C19orf84: variants seen among roughly 807,000 people sequenced by gnomAD.
The protein encoded by C19orf84 is piRNA-mediated silencing protein C19orf84.
Under a neutral mutation model 4.0 loss-of-function variants are expected in C19orf84, and 1 was observed. The observed-to-expected ratio is 0.25, with a 90% CI of 0.09 to 1.19. The LOEUF is 1.19. Among genes scored for constraint, C19orf84 ranks in the 50% most tolerant of loss-of-function variants. The probability of loss-of-function intolerance (pLI) is 0.50; values close to 1 mark genes in which losing one functional copy is unlikely to be tolerated. For missense variants in C19orf84, 224 were observed against 246.8 expected (o/e 0.91, Z 0.62); for synonymous variants, 123 against 109.6 (o/e 1.12, Z -0.76).
In C19orf84 at chr19:51,388,630, G is replaced by T; in HGVS notation, c.*354C>A. The T allele has an allele frequency of 3.4e-6, 1 of 295,144 alleles. No individual in the cohort carries two copies. The highest frequency in any genetic ancestry group is 4.4e-5 in the South Asian group (1 of 22,484). The allele number at this position is 295,144 out of a possible 1,614,324, so 18.3% of individuals were successfully genotyped here. On this transcript the variant is annotated 3_prime_UTR_variant, in exon 2 of 2. Transcript: ENST00000574814. ...GAGTGGGGAAGAGAGAGGCAGGTAGGAGTGGCTTTGGGATTAGGGAGAGGA... is the reference window on the plus strand; with the variant it reads ...GAGTGGGGAAGAGAGAGGCAGGTAGTAGTGGCTTTGGGATTAGGGAGAGGA...
At chr19:51,390,012 C>G (rs1160819399) in intron 1 of C19orf84, among the ~76,000 whole-genome samples, 2 of 151,086 alleles carry the variant, frequency 1.3e-5, no homozygotes, top group African/African-American at 4.9e-5. Context: ...GGGTTTCACT[C>G]TTGTTGCCCA....
Position 51,389,242 on chromosome 19 carries a change from C to T in C19orf84, c.303G>A (p.Arg101=). 6.5e-7 allele frequency: 1 copy of T among 1,535,136 alleles called. No individual in the cohort carries two copies. The highest frequency in any genetic ancestry group is 8.7e-7 in the Non-Finnish European group (1 of 1,146,354). The change falls in exon 2 of 2, where the codon AGG becomes AGA. Residue 101 remains arginine (R), a synonymous_variant. Transcript: ENST00000574814. This position sits in a 1 kb window ranked among gnomAD's most constrained non-coding sequence, Gnocchi z 4.7. ...AGHSQPGAVR[R]PPRGRGGWEV... ...CCCAGCCTCCGCGTCCCCTGGGAGG[C>T]CTCCTAACTGCCCCCGGCTGGGAGT... is the stretch of plus-strand genomic sequence containing the variant.
Position 51,389,881 on chromosome 19 carries a change from T to C in C19orf84, c.36-372A>G, listed in dbSNP as rs1987254119. The stretch of plus-strand genomic sequence containing the variant: ...CTGGGTCTGGTAAGTGCTAAAACAG[T>C]GGACAGCTACGATTTCTCCAGCCTT... On this transcript the variant is annotated intron_variant, in intron 1 of 1. Transcript: ENST00000574814. The surrounding 1 kb of genome is among the most constrained non-coding windows in gnomAD (Gnocchi z 4.7). 6.6e-6 allele frequency among the ~76,000 whole-genome samples: 1 copy of C among 152,172 alleles called. No homozygotes were observed. The highest frequency in any genetic ancestry group is 1.5e-5 in the Non-Finnish European group (1 of 68,022).
In C19orf84 at chr19:51,388,950, G is replaced by T; in HGVS notation, c.*34C>A. On this transcript the variant is annotated 3_prime_UTR_variant, in exon 2 of 2. Coordinates refer to ENST00000574814, the MANE Select transcript of C19orf84 (RefSeq NM_001193623.2). ...GGGCCCCAGGAAAACCCTCCTGGGT[G>T]ACTGCAATCTCAGGTGCCTGACCCT... is the stretch of plus-strand genomic sequence containing the variant. 6.5e-7 allele frequency: 1 copy of T among 1,535,032 alleles called. No homozygotes were observed. Among genetic ancestry groups the T allele is most frequent in the South Asian group, 1.2e-5 (1 of 83,976 alleles).
chr19:51,388,971 A>G lies in C19orf84; in HGVS notation c.*13T>C. ...GGGTGACTGCAATCTCAGGTGCCTG[A>G]CCCTCCAAGGTCCTAGTACTCTGTC... is the stretch of plus-strand genomic sequence containing the variant. On this transcript the variant is annotated 3_prime_UTR_variant, in exon 2 of 2. Transcript: ENST00000574814. 1 of 1,535,696 alleles carries G rather than the reference A, an allele frequency of 6.5e-7. No homozygotes were observed. The highest frequency in any genetic ancestry group is 8.7e-7 in the Non-Finnish European group (1 of 1,146,762).
chr19:51,390,460 G>T lies in C19orf84; in HGVS notation c.35+18C>A. On this transcript the variant is annotated intron_variant, in intron 1 of 1. Coordinates refer to ENST00000574814, the MANE Select transcript of C19orf84 (RefSeq NM_001193623.2). ...CTGGGTCTCTGTCCCCCTCTCAGGA[G>T]GTCTTTGTTTGTCTCACCCTTCAGG... 6.5e-7 allele frequency: 1 copy of T among 1,532,206 alleles called. No individual in the cohort carries two copies. Among genetic ancestry groups the T allele is most frequent in the Non-Finnish European group, 8.7e-7 (1 of 1,144,736 alleles). The allele number at this position is 1,532,206 out of a possible 1,614,324, so 94.9% of individuals were successfully genotyped here.
In C19orf84 at chr19:51,389,331, G is replaced by A; in HGVS notation, c.214C>T (p.Leu72=). The A allele has an allele frequency of 6.5e-7, 1 of 1,535,304 alleles. No homozygotes were observed. Among genetic ancestry groups the A allele is most frequent in the Non-Finnish European group, 8.7e-7 (1 of 1,146,344 alleles). ...DTLSCLLHSA[L]LGAYTFQQAL... ...TGTTGGAAGGTGTAGGCCCCCAGCA[G>A]GGCGCTGTGCAGGAGGCAGGAGAGG... is the stretch of plus-strand genomic sequence containing the variant. Residue 72 remains leucine, a synonymous_variant, in exon 2 of 2, where the codon CTG becomes TTG. Coordinates refer to ENST00000574814, the MANE Select transcript of C19orf84 (RefSeq NM_001193623.2). The surrounding 1 kb of genome is among the most constrained non-coding windows in gnomAD (Gnocchi z 4.7).
In C19orf84 at chr19:51,389,546, G is replaced by A. The variant is rs536902869; in HGVS notation, c.36-37C>T. ...AAAAGACAGGTCAGTGGGGCTCAGC[G>A]TCTCCGTACTTTCTTGTTTCTCGCT... On this transcript the variant is annotated intron_variant, in intron 1 of 1. Coordinates refer to ENST00000574814, the MANE Select transcript of C19orf84 (RefSeq NM_001193623.2). This position sits in a 1 kb window ranked among gnomAD's most constrained non-coding sequence, Gnocchi z 4.7. 56 of 1,369,840 alleles carry A rather than the reference G, an allele frequency of 4.1e-5. No individual in the cohort carries two copies. The highest frequency in any genetic ancestry group is 5.0e-5 in the Non-Finnish European group (53 of 1,065,000). The allele number at this position is 1,369,840 out of a possible 1,614,324, so 84.9% of individuals were successfully genotyped here. A position where few individuals can be genotyped will look rare whatever the true frequency, so the allele number is the denominator to read the frequency against.
At chr19:51,390,280 G>A (rs1318668149) in intron 1 of C19orf84, 198 bp downstream of exon 1, 1 of 465,100 alleles carries the variant, frequency 2.2e-6, no homozygotes, top group East Asian at 3.5e-5. Context: ...CCCGGCCTCC[G>A]CCTGTTTCTA....
In C19orf84 at chr19:51,388,812, A is replaced by G; in HGVS notation, c.*172T>C. On this transcript the variant is annotated 3_prime_UTR_variant, in exon 2 of 2. Coordinates refer to ENST00000574814, the MANE Select transcript of C19orf84 (RefSeq NM_001193623.2). ...TTCTCACTTGGGATTCAGGTGACTT[A>G]GGTCAGGTTCACCAAGTGCCTCACA... 4.3e-6 allele frequency: 3 copies of G among 690,498 alleles called. No homozygotes were observed. In the East Asian group the frequency reaches 8.2e-5, roughly 19 times the overall value. 42.8% of individuals were successfully genotyped at this position (690,498 alleles called of 1,614,324 possible).
Position 51,389,453 on chromosome 19 carries a change from G to T in C19orf84, c.92C>A (p.Pro31Gln). The T allele has an allele frequency of 6.9e-7, 1 of 1,446,394 alleles. No individual in the cohort carries two copies. Among genetic ancestry groups the T allele is most frequent in the Non-Finnish European group, 9.1e-7 (1 of 1,103,762 alleles). The allele number at this position is 1,446,394 out of a possible 1,614,324, so 89.6% of individuals were successfully genotyped here. Residue 31 changes from proline to glutamine, a missense_variant, in exon 2 of 2, where the codon CCA becomes CAA. Physicochemically the swap from Pro to Gln is moderately conservative, Grantham distance 76. Transcript: ENST00000574814. This position sits in a 1 kb window ranked among gnomAD's most constrained non-coding sequence, Gnocchi z 4.7. ...GTTCAGGAGCAAGGGTGGAGGGGCT[G>T]GGAGAGGCGCAGGGGGCCATGGCTC... ...GTEPWPPAPL[P>Q]APPPLLLNST... is the part of the protein sequence containing the mutation.
At position 51,388,852 on chromosome 19, in the gene C19orf84, G is replaced by A. The variant is rs1361358080; in HGVS notation, c.*132C>T. Reference sequence around the variant, plus strand: ...AGTGCCTCACAGGAGCTACTCCTGGGATTGTGGTTTTGGGGAGAGGGGAGG... The same window carrying A: ...AGTGCCTCACAGGAGCTACTCCTGGAATTGTGGTTTTGGGGAGAGGGGAGG... On this transcript the variant is annotated 3_prime_UTR_variant, in exon 2 of 2. Coordinates refer to ENST00000574814, the MANE Select transcript of C19orf84 (RefSeq NM_001193623.2). The A allele has an allele frequency of 9.7e-7, 1 of 1,026,476 alleles. No homozygotes were observed. The highest frequency in any genetic ancestry group is 1.4e-6 in the Non-Finnish European group (1 of 723,884). The allele number at this position is 1,026,476 out of a possible 1,614,324, so 63.6% of individuals were successfully genotyped here.
rs765385571 is a variant in C19orf84 at position 51,389,478 on chromosome 19, C to T, written c.67G>A (p.Glu23Lys). The change falls in exon 2 of 2, where the codon GAG (glutamate) becomes AAG (lysine). Residue 23 changes from glutamate to lysine, a missense_variant. Physicochemically the swap from Glu to Lys is moderately conservative, Grantham distance 56. Coordinates refer to ENST00000574814, the MANE Select transcript of C19orf84 (RefSeq NM_001193623.2). This position sits in a 1 kb window ranked among gnomAD's most constrained non-coding sequence, Gnocchi z 4.7. ...GGGAGAGGCGCAGGGGGCCATGGCTCGGTCCCAGATGACGGCAGGGACAGG... is the reference window on the plus strand; with the variant it reads ...GGGAGAGGCGCAGGGGGCCATGGCTTGGTCCCAGATGACGGCAGGGACAGG... Reference protein sequence around the residue: ...NNLSLPSSGTEPWPPAPLPAP... With the variant: ...NNLSLPSSGTKPWPPAPLPAP... 4.0e-5 allele frequency: 57 copies of T among 1,430,784 alleles called. No homozygotes were observed. The highest frequency in any genetic ancestry group is 3.0e-4 in the East Asian group (12 of 39,520). The allele number at this position is 1,430,784 out of a possible 1,614,324, so 88.6% of individuals were successfully genotyped here. A position where few individuals can be genotyped will look rare whatever the true frequency, so the allele number is the denominator to read the frequency against.
Position 51,389,011 on chromosome 19 carries a change from A to G in C19orf84, c.534T>C (p.Ala178=), listed in dbSNP as rs1215040498. 2.0e-6 allele frequency: 3 copies of G among 1,536,024 alleles called. No individual in the cohort carries two copies. The highest frequency in any genetic ancestry group is 2.6e-6 in the Non-Finnish European group (3 of 1,146,854). ...AGTACTCTGTCTCCCAGTCCTCAGC[A>G]GCCAGTGGTGTTTCCAGGGGTGGCT... ...GPEPPLETPL[A]AEDWETEY is the part of the protein sequence containing the mutation. The change falls in exon 2 of 2, where the codon GCT becomes GCC. Residue 178 remains alanine, a synonymous_variant. Coordinates refer to ENST00000574814, the MANE Select transcript of C19orf84 (RefSeq NM_001193623.2). The surrounding 1 kb of genome is among the most constrained non-coding windows in gnomAD (Gnocchi z 4.7).
chr19:51,389,610 T>G lies in C19orf84; in HGVS notation c.36-101A>C. ...TGCACCTCTGCAGAAGGCAGCCATC[T>G]CTCCATCCTCAGTGCCCACCTGTGA... is the stretch of plus-strand genomic sequence containing the variant. On this transcript the variant is annotated intron_variant, in intron 1 of 1. Transcript: ENST00000574814. The surrounding 1 kb of genome is among the most constrained non-coding windows in gnomAD (Gnocchi z 4.7). The G allele has an allele frequency of 9.8e-7, 1 of 1,020,934 alleles. No individual in the cohort carries two copies. The highest frequency in any genetic ancestry group is 1.3e-6 in the Non-Finnish European group (1 of 775,614). 63.2% of individuals were successfully genotyped at this position (1,020,934 alleles called of 1,614,324 possible). A position where few individuals can be genotyped will look rare whatever the true frequency, so the allele number is the denominator to read the frequency against.
In C19orf84 at chr19:51,388,836, C is replaced by A; in HGVS notation, c.*148G>T. The stretch of plus-strand genomic sequence containing the variant: ...TAGGTCAGGTTCACCAAGTGCCTCA[C>A]AGGAGCTACTCCTGGGATTGTGGTT... On this transcript the variant is annotated 3_prime_UTR_variant, in exon 2 of 2. Coordinates refer to ENST00000574814, the MANE Select transcript of C19orf84 (RefSeq NM_001193623.2). 2 of 892,002 alleles carry A rather than the reference C, an allele frequency of 2.2e-6. No homozygotes were observed. Among genetic ancestry groups the A allele is most frequent in the Non-Finnish European group, 1.7e-6 (1 of 603,582 alleles). 55.3% of individuals were successfully genotyped at this position (892,002 alleles called of 1,614,324 possible). A position where few individuals can be genotyped will look rare whatever the true frequency, so the allele number is the denominator to read the frequency against.
rs1011332467 is a variant in C19orf84 at position 51,388,540 on chromosome 19, C to T, written c.*444G>A. The T allele has an allele frequency of 5.2e-5, 10 of 190,884 alleles. No homozygotes were observed. In the East Asian group the frequency reaches 9.6e-4, roughly 18 times the overall value. 11.8% of individuals were successfully genotyped at this position (190,884 alleles called of 1,614,324 possible). A position where few individuals can be genotyped will look rare whatever the true frequency, so the allele number is the denominator to read the frequency against. On this transcript the variant is annotated 3_prime_UTR_variant, in exon 2 of 2. Coordinates refer to ENST00000574814, the MANE Select transcript of C19orf84 (RefSeq NM_001193623.2). ...TAAAGAGGGTGGGTTAGGGTTGAGG[C>T]GCAGAAGTGGAGCTGGGACTGGTGA...
chr19:51,388,663 T>A lies in C19orf84; in HGVS notation c.*321A>T. ...TTGGGATTAGGGAGAGGATAGGGAA[T>A]GGGGTTGGAGGAGCCCTGGGGGTTG... On this transcript the variant is annotated 3_prime_UTR_variant, in exon 2 of 2. Transcript: ENST00000574814. 2.7e-6 allele frequency: 1 copy of A among 367,900 alleles called. No homozygotes were observed. The highest frequency in any genetic ancestry group is 4.9e-6 in the Non-Finnish European group (1 of 202,400). The allele number at this position is 367,900 out of a possible 1,614,324, so 22.8% of individuals were successfully genotyped here.
rs902209038 is a variant in C19orf84, at chr19:51,390,384, G to C, written c.35+94C>G. On this transcript the variant is annotated intron_variant, in intron 1 of 1. Coordinates refer to ENST00000574814, the MANE Select transcript of C19orf84 (RefSeq NM_001193623.2). ...TTTGTTTTTCCTGATTCTCTATGCA[G>C]GTCTGTTCAGCGCGCCCTTTCTCTC... The C allele has an allele frequency of 1.3e-5, 17 of 1,275,896 alleles. No homozygotes were observed. The African/African-American group carries it at 2.4e-4, about 18-fold the overall frequency. The allele number at this position is 1,275,896 out of a possible 1,614,324, so 79.0% of individuals were successfully genotyped here.
Sources: allele counts gnomAD v4.1 joint callset (sites outside exome capture counted in the v4.1 genomes callset), GRCh38; gene constraint gnomAD v4.1.1; non-coding constraint Gnocchi (gnomAD v3.1); transcripts MANE v1.5; gene names NCBI Gene and HGNC (gene_info 2026-07-23, HGNC 2026-07-21).